MED1: variants seen among roughly 807,000 people sequenced by gnomAD.
MED1 encodes mediator of RNA polymerase II transcription subunit 1.
In MED1, 17 loss-of-function variants were observed where a neutral mutation model predicts 121.3. That is an observed-to-expected ratio of 0.14 (90% CI 0.10 to 0.21). MED1 has a LOEUF of 0.21. Ranked by LOEUF, MED1 falls within the 10% of genes least tolerant of loss-of-function variation. The pLI, the probability that MED1 is intolerant of heterozygous loss-of-function variation, is 1.00. For missense variants in MED1, 1,558 were observed against 1,919.4 expected (o/e 0.81, Z 3.52); for synonymous variants, 661 against 694.4 (o/e 0.95, Z 0.76).
Position 39,407,114 on chromosome 17 carries a change from A to G in MED1, c.*361T>C, listed in dbSNP as rs1007585956. On this transcript the variant is annotated 3_prime_UTR_variant, in exon 17 of 17. Transcript: ENST00000300651. ...ACATGCACTAAAATGAGTTTAAAACATGGCCTAAAAATGGAAAAAGGGAGA... is the reference window on the plus strand; with the variant it reads ...ACATGCACTAAAATGAGTTTAAAACGTGGCCTAAAAATGGAAAAAGGGAGA... 1.0e-5 allele frequency: 10 copies of G among 1,003,328 alleles called. No individual in the cohort carries two copies. In the African/African-American group the frequency reaches 1.7e-4, roughly 17 times the overall value. 62.2% of individuals were successfully genotyped at this position (1,003,328 alleles called of 1,614,324 possible). A position where few individuals can be genotyped will look rare whatever the true frequency, so the allele number is the denominator to read the frequency against.
At position 39,406,507 on chromosome 17, in the gene MED1, C is replaced by A; in HGVS notation, c.*968G>T. 1 of 984,954 alleles carries A rather than the reference C, an allele frequency of 1.0e-6. No individual in the cohort carries two copies. Among genetic ancestry groups the A allele is most frequent in the Non-Finnish European group, 1.2e-6 (1 of 829,874 alleles). The allele number at this position is 984,954 out of a possible 1,614,324, so 61.0% of individuals were successfully genotyped here. A position where few individuals can be genotyped will look rare whatever the true frequency, so the allele number is the denominator to read the frequency against. The stretch of plus-strand genomic sequence containing the variant: ...ACTGGGTCAGGAAGGCTGTCCTACA[C>A]TAAACCTTACTGCATCTGAAAACAT... On this transcript the variant is annotated 3_prime_UTR_variant, in exon 17 of 17. Coordinates refer to ENST00000300651, the MANE Select transcript of MED1 (RefSeq NM_004774.4).
chr17:39,425,138 C>G (rs964274796), intron 10 of MED1, among the ~76,000 whole-genome samples: 4 of 152,066 alleles, frequency 2.6e-5, no homozygotes, highest in African/African-American at 9.7e-5. Context: ...CTTGGCCTCC[C>G]GAAGGACTAG....
rs1415820712 is a variant in MED1 at position 39,440,173 on chromosome 17, C to G, written c.399+213G>C. On this transcript the variant is annotated intron_variant, in intron 5 of 16. Transcript: ENST00000300651. The surrounding 1 kb of genome is among the most constrained non-coding windows in gnomAD (Gnocchi z 4.1). ...AGGGAAAAGGGTTCCTATGGTGTTT[C>G]CACTTGTTAAAGCCTTTGGATGATG... Among the ~76,000 whole-genome samples the G allele has an allele frequency of 2.6e-5, 4 of 152,026 alleles. No individual in the cohort carries two copies. Among genetic ancestry groups the G allele is most frequent in the Non-Finnish European group, 4.4e-5 (3 of 67,980 alleles).
Position 39,406,209 on chromosome 17 carries a change from ATGC to A in MED1, c.*1263_*1265del. ...TACATAGTAGCAAGGGTTTATCTTCATGCTCACCTAGCATTCCAGGCCCCCATT... is the reference window on the plus strand; with the variant it reads ...TACATAGTAGCAAGGGTTTATCTTCATCACCTAGCATTCCAGGCCCCCATT... On this transcript the variant is annotated 3_prime_UTR_variant, in exon 17 of 17. Coordinates refer to ENST00000300651, the MANE Select transcript of MED1 (RefSeq NM_004774.4). 1 of 985,570 alleles carries A rather than the reference ATGC, an allele frequency of 1.0e-6. No homozygotes were observed. Among genetic ancestry groups the A allele is most frequent in the Non-Finnish European group, 1.2e-6 (1 of 829,928 alleles). The allele number at this position is 985,570 out of a possible 1,614,324, so 61.1% of individuals were successfully genotyped here.
chr17:39,407,453 T>A lies in MED1; in HGVS notation c.*22A>T. ...AATAGTTTTTTTTCCTCTGGCCCTG[T>A]TTCTTTTAGGAAATAAGGTTCCTAA... On this transcript the variant is annotated 3_prime_UTR_variant, in exon 17 of 17. Transcript: ENST00000300651. 1 of 1,576,324 alleles carries A rather than the reference T, an allele frequency of 6.3e-7. No homozygotes were observed. Among genetic ancestry groups the A allele is most frequent in the African/African-American group, 1.4e-5 (1 of 73,148 alleles).
At chr17:39,424,879 G>GTATT (rs1436221737) in intron 10 of MED1, 141 bp from the exon 11 acceptor site, 4 of 580,420 alleles carry the variant, frequency 6.9e-6, no homozygotes, top group African/African-American at 5.9e-5. Context: ...ATTTATTTAT[G>GTATT]TATTTATTTA....
Position 39,431,989 on chromosome 17 carries a change from A to C in MED1, c.528T>G (p.Ala176=). 6.2e-7 allele frequency: 1 copy of C among 1,608,882 alleles called. No individual in the cohort carries two copies. Among genetic ancestry groups the C allele is most frequent in the Non-Finnish European group, 8.5e-7 (1 of 1,175,304 alleles). The change falls in exon 8 of 17, where the codon GCT becomes GCG. Residue 176 remains alanine, a synonymous_variant. Transcript: ENST00000300651. Reference sequence around the variant, plus strand: ...AAAGATCTTGTTCTAAGGATTGGAGAGCCAAGTACATTTTAGTCTTCAGTT... The same window carrying C: ...AAAGATCTTGTTCTAAGGATTGGAGCGCCAAGTACATTTTAGTCTTCAGTT... ...DNKLKTKMYL[A]LQSLEQDLSK...
Position 39,407,414 on chromosome 17 carries a change from C to A in MED1, c.*61G>T. On this transcript the variant is annotated 3_prime_UTR_variant, in exon 17 of 17. Transcript: ENST00000300651. ...CTGACTCACCCCTTATGGTGGTTTG[C>A]CTATAAACTTATCAATAGTTTTTTT... 1 of 1,520,682 alleles carries A rather than the reference C, an allele frequency of 6.6e-7. No individual in the cohort carries two copies. The highest frequency in any genetic ancestry group is 8.8e-7 in the Non-Finnish European group (1 of 1,137,476). The allele number at this position is 1,520,682 out of a possible 1,614,324, so 94.2% of individuals were successfully genotyped here. A position where few individuals can be genotyped will look rare whatever the true frequency, so the allele number is the denominator to read the frequency against.
At chr17:39,415,406 G>A in intron 14 of MED1, 67 bp from the exon 15 acceptor site, 1 of 1,359,770 alleles carries the variant, frequency 7.4e-7, no homozygotes, top group Non-Finnish European at 1.0e-6. Flanking sequence ...GGGCACGGTG[G>A]CTCACGCCTG....
At position 39,408,586 on chromosome 17, in the gene MED1, A is replaced by G. The variant is rs1222702564; in HGVS notation, c.3635T>C (p.Val1212Ala). 6.2e-7 allele frequency: 1 copy of G among 1,614,196 alleles called. No homozygotes were observed. The highest frequency in any genetic ancestry group is 8.5e-7 in the Non-Finnish European group (1 of 1,180,028). Residue 1212 changes from valine to alanine, a missense_variant, in exon 17 of 17, where the codon GTT becomes GCT. Physicochemically the swap from Val to Ala is moderately conservative, Grantham distance 64. Around this residue, in one of 5 missense-constraint regions of MED1, gnomAD observed 793 missense variants for 898.2 expected, o/e 0.88. Transcript: ENST00000300651. This position sits in a 1 kb window ranked among gnomAD's most constrained non-coding sequence, Gnocchi z 4.7. The stretch of plus-strand genomic sequence containing the variant: ...TTTAGAGGATGGAGGAGTTCCAGGA[A>G]CAGGCTTCATTGGAGAGGCAAGCTT... ...SDKLASPMKP[V>A]PGTPPSSKAK...
chr17:39,437,879 A>G (rs2048634636), intron 6 of MED1, among the ~76,000 whole-genome samples: 1 of 152,050 alleles, frequency 6.6e-6, no homozygotes, highest in South Asian at 2.1e-4. Context: ...GGATGCGGTG[A>G]GCCAAGATCA....
chr17:39,429,711 A>G (rs1028151377), intron 9 of MED1, among the ~76,000 whole-genome samples: 2 of 149,922 alleles, frequency 1.3e-5, no homozygotes, highest in African/African-American at 4.9e-5. Context: ...CTAAAAAAAA[A>G]AAAAAAAAAA....
chr17:39,421,417 G>A (rs1476114774), intron 13 of MED1, among the ~76,000 whole-genome samples: 1 of 149,984 alleles, frequency 6.7e-6, no homozygotes, highest in Non-Finnish European at 1.5e-5. Context: ...GGGCATGGTG[G>A]TGCACACCTA....
In MED1 at chr17:39,406,137, G is replaced by T. The variant is rs971840810; in HGVS notation, c.*1338C>A. 6.0e-5 allele frequency: 59 copies of T among 985,432 alleles called. No homozygotes were observed. The highest frequency in any genetic ancestry group is 7.1e-5 in the Non-Finnish European group (59 of 829,938). The allele number at this position is 985,432 out of a possible 1,614,324, so 61.0% of individuals were successfully genotyped here. A position where few individuals can be genotyped will look rare whatever the true frequency, so the allele number is the denominator to read the frequency against. On this transcript the variant is annotated 3_prime_UTR_variant, in exon 17 of 17. Transcript: ENST00000300651. Reference sequence around the variant, plus strand: ...GAAGGGCTCTTATTGATGTCCCCCAGAATCCAGACTCAGACCTATTTCTCC... The same window carrying T: ...GAAGGGCTCTTATTGATGTCCCCCATAATCCAGACTCAGACCTATTTCTCC...
At chr17:39,429,497 A>ACCAGCCTGGCCAACATGGTGAAAC (rs2048544769) in intron 9 of MED1, among the ~76,000 whole-genome samples, 1 of 151,880 alleles carries the variant, frequency 6.6e-6, no homozygotes, top group Non-Finnish European at 1.5e-5. Context: ...GGAGTTCGAG[A>ACCAGCCTGGCCAACATGGTGAAAC]CCAGCCTGGC....
At chr17:39,432,486 G>A (rs1439943604) in intron 7 of MED1, among the ~76,000 whole-genome samples, 1 of 151,700 alleles carries the variant, frequency 6.6e-6, no homozygotes, top group Non-Finnish European at 1.5e-5. Context: ...AGTGGCTCAT[G>A]CCTATAATCC....
chr17:39,407,233 T>A lies in MED1; in HGVS notation c.*242A>T. 1 of 799,526 alleles carries A rather than the reference T, an allele frequency of 1.3e-6. No homozygotes were observed. The highest frequency in any genetic ancestry group is 6.0e-5 in the South Asian group (1 of 16,616). The allele number at this position is 799,526 out of a possible 1,614,324, so 49.5% of individuals were successfully genotyped here. A position where few individuals can be genotyped will look rare whatever the true frequency, so the allele number is the denominator to read the frequency against. ...CCCCCTCCCTTTCTTAAGCAAGTAT[T>A]TTAACTTTCTTTCTGGCACAGGAAC... On this transcript the variant is annotated 3_prime_UTR_variant, in exon 17 of 17. Transcript: ENST00000300651.
Position 39,408,935 on chromosome 17 carries a change from T to C in MED1, c.3286A>G (p.Ser1096Gly). The change falls in exon 17 of 17, where the codon AGC becomes GGC. Residue 1096 changes from serine to glycine, a missense_variant. This residue lies in a region of MED1 where 793 missense variants were observed against 898.2 expected (regional missense o/e 0.88). Transcript: ENST00000300651. The surrounding 1 kb of genome is among the most constrained non-coding windows in gnomAD (Gnocchi z 4.7). ...GAGGAGGAAGAATGGCTATGGTGGCTTTTGCTGCCTGAGGAAGACACAGAA... is the reference window on the plus strand; with the variant it reads ...GAGGAGGAAGAATGGCTATGGTGGCCTTTGCTGCCTGAGGAAGACACAGAA... ...SGSVSSSGSK[S>G]HHSHSSSSSS... The C allele has an allele frequency of 6.2e-7, 1 of 1,614,134 alleles. No homozygotes were observed. The highest frequency in any genetic ancestry group is 8.5e-7 in the Non-Finnish European group (1 of 1,180,030).
rs372062669 is a variant in MED1 at position 39,426,002 on chromosome 17, C to G, written c.740-1264G>C. ...AAAAGGACAGGCTGGTGCACTGGCT[C>G]ACACCTGTAATCCTAGCACTTTGGG... On this transcript the variant is annotated intron_variant, in intron 10 of 16. Transcript: ENST00000300651. 4.9e-4 allele frequency among the ~76,000 whole-genome samples: 75 copies of G among 152,136 alleles called. No homozygotes were observed. In the South Asian group the frequency reaches 0.015, roughly 29 times the overall value.
Sources: gnomAD v4.1 joint callset for allele counts (sites outside exome capture counted in the v4.1 genomes callset) on GRCh38, gnomAD v4.1.1 for gene constraint, gnomAD v4.1.1 regional missense constraint, Gnocchi (gnomAD v3.1) non-coding constraint, MANE v1.5 for transcripts, NCBI Gene and HGNC (gene_info 2026-07-23, HGNC 2026-07-21) for gene names.